DRC7: variants seen among roughly 807,000 people sequenced by gnomAD.
DRC7 encodes dynein regulatory complex subunit 7.
In DRC7, 80 loss-of-function variants were observed where a neutral mutation model predicts 104.4. That is an observed-to-expected ratio of 0.77 (90% CI 0.64 to 0.92). The LOEUF (loss-of-function observed/expected upper bound fraction) is 0.92, where lower values mean the gene tolerates loss of function less well. DRC7 is among the 40% of genes least tolerant of loss of function. DRC7 has a pLI of 0.00. For missense variants in DRC7, 1,034 were observed against 1,141.1 expected (o/e 0.91, Z 1.35); for synonymous variants, 405 against 447.3 (o/e 0.91, Z 1.19).
chr16:57,701,703 T>A, intron 5 of DRC7: 1 of 522,422 alleles, frequency 1.9e-6, no homozygotes, highest in Non-Finnish European at 3.4e-6. Flanking sequence ...TTTCCCCCTA[T>A]CAGGAAGTCC....
intron 16 of DRC7, among the ~76,000 whole-genome samples, chr16:57,727,926 A>G (rs2094175186): frequency 6.6e-6 from 1 of 152,174 alleles, no homozygotes. Flanking sequence ...ATCCCAGGGG[A>G]GGGTGTCAGC....
At chr16:57,706,188 C>A (rs1166465074) in intron 7 of DRC7, among the ~76,000 whole-genome samples, 1 of 147,270 alleles carries the variant, frequency 6.8e-6, no homozygotes, top group African/African-American at 2.5e-5. Context: ...ATCCTCTCAT[C>A]CATCTATCCT....
intron 5 of DRC7, among the ~76,000 whole-genome samples, chr16:57,700,597 A>G (rs1391711112): frequency 1.3e-5 from 2 of 150,740 alleles, no homozygotes; most frequent in Admixed American, 6.6e-5. Flanking sequence ...CAGTGAGCCA[A>G]GATGGCACCA....
Position 57,718,370 on chromosome 16 carries a change from C to A in DRC7, c.1101C>A (p.Asp367Glu), listed in dbSNP as rs771336398. The A allele has an allele frequency of 6.2e-6, 10 of 1,614,088 alleles. No homozygotes were observed. In the South Asian group the frequency reaches 1.1e-4, roughly 18 times the overall value. Residue 367 changes from aspartate (D) to glutamate (E), a missense_variant, in exon 9 of 19, where the codon GAC (aspartate) becomes GAA (glutamate). By Grantham distance (45) the Asp-to-Glu change is conservative. Transcript: ENST00000360716. Reference protein sequence around the residue: ...CCKDLIFDLGDPVRWEYMLLG... With the variant: ...CCKDLIFDLGEPVRWEYMLLG... ...AGGACTTGATCTTTGACCTGGGTGA[C>A]CCTGTGAGATGGGAGTACATGCTCC...
intron 6 of DRC7, 131 bp downstream of exon 6, chr16:57,702,261 C>T (rs1192523290): frequency 2.4e-6 from 2 of 829,986 alleles, no homozygotes; most frequent in African/African-American, 1.7e-5. Flanking sequence ...GATCCCTCAC[C>T]ACCAGCCCTT....
intron 15 of DRC7, 139 bp from the exon 16 acceptor site, chr16:57,727,160 G>A: frequency 1.4e-6 from 1 of 735,808 alleles, no homozygotes; most frequent in Non-Finnish European, 2.3e-6. Flanking sequence ...TTTAACAGAT[G>A]GGGTTTTTCC....
intron 12 of DRC7, 39 bp downstream of exon 12, chr16:57,723,169 G>A: frequency 6.2e-7 from 1 of 1,606,150 alleles, no homozygotes; most frequent in African/African-American, 1.3e-5. Context: ...CAGGAGCCTG[G>A]GGTAGAGGCC....
At chr16:57,708,710 C>A (rs1464273668) in intron 8 of DRC7, among the ~76,000 whole-genome samples, 1 of 152,172 alleles carries the variant, frequency 6.6e-6, no homozygotes. Context: ...ATTTACACTC[C>A]CACCAGCAAT....
At chr16:57,726,794 G>A in intron 14 of DRC7, 38 bp from the exon 15 acceptor site, 2 of 1,376,036 alleles carry the variant, frequency 1.5e-6, no homozygotes, top group Non-Finnish European at 2.1e-6. Context: ...CCCGATCATG[G>A]CAGCCTCTCT....
rs750280386 is a variant in DRC7 at position 57,726,150 on chromosome 16, A to T, written c.1841A>T (p.Glu614Val). The T allele has an allele frequency of 6.2e-7, 1 of 1,613,104 alleles. No homozygotes were observed. The highest frequency in any genetic ancestry group is 2.2e-5 in the East Asian group (1 of 44,882). ...VAERVFLVAEERIQLRYHCRE... is the reference protein window; with the variant it reads ...VAERVFLVAEVRIQLRYHCRE... The stretch of plus-strand genomic sequence containing the variant: ...GAGCGCGTGTTTCTGGTCGCGGAGG[A>T]GCGCATCCAGCTGCGCTACCACTGC... The change falls in exon 14 of 19, where the codon GAG becomes GTG. Residue 614 changes from glutamate to valine, a missense_variant. Physicochemically the swap from Glu to Val is moderately radical, Grantham distance 121 (BLOSUM62 -2). Coordinates refer to ENST00000360716, the MANE Select transcript of DRC7 (RefSeq NM_001289162.2).
chr16:57,707,818 T>G (rs2090175498), intron 8 of DRC7, 140 bp downstream of exon 8: 1 of 699,912 alleles, frequency 1.4e-6, no homozygotes, highest in Admixed American at 2.1e-5. Flanking sequence ...TAGCTGCGTC[T>G]CCATGGCCCA....
At chr16:57,713,494 A>G (rs2048809592) in intron 8 of DRC7, among the ~76,000 whole-genome samples, 1 of 152,188 alleles carries the variant, frequency 6.6e-6, no homozygotes, top group Non-Finnish European at 1.5e-5. Flanking sequence ...AATCAGCTTT[A>G]TCCCTAGTAA....
chr16:57,729,535 T>C, intron 17 of DRC7, among the ~76,000 whole-genome samples: 1 of 97,274 alleles, frequency 1.0e-5, no homozygotes, highest in African/African-American at 4.2e-5. Flanking sequence ...GATGGATGGG[T>C]GAGTGAGTGG....
intron 14 of DRC7, 175 bp downstream of exon 14, chr16:57,726,458 C>G: frequency 1.6e-6 from 1 of 625,138 alleles, no homozygotes; most frequent in Non-Finnish European, 2.8e-6. Context: ...TCTCTTTGAG[C>G]TCCTCTGAAA....
At chr16:57,714,713 C>T in intron 8 of DRC7, 2 of 400,636 alleles carry the variant, frequency 5.0e-6, no homozygotes, top group Non-Finnish European at 9.7e-6. Context: ...AAGAGTTATT[C>T]TCAAGATGTC....
chr16:57,722,290 A>G (rs2048912048), intron 10 of DRC7, among the ~76,000 whole-genome samples: 1 of 152,166 alleles, frequency 6.6e-6, no homozygotes, highest in Non-Finnish European at 1.5e-5. Context: ...CACTGGGGCT[A>G]GGGCCTGGGG....
At chr16:57,722,960 G>C in intron 11 of DRC7, 42 bp from the exon 12 acceptor site, 3 of 1,613,484 alleles carry the variant, frequency 1.9e-6, no homozygotes, top group Admixed American at 3.3e-5. Context: ...TGAAGGCTAG[G>C]GGAGCTGGCC....
At chr16:57,724,045 G>A (rs2048935969) in intron 12 of DRC7, among the ~76,000 whole-genome samples, 1 of 152,026 alleles carries the variant, frequency 6.6e-6, no homozygotes, top group African/African-American at 2.4e-5. Flanking sequence ...GCTTTTGGCT[G>A]GGCACAGTGG....
Position 57,697,992 on chromosome 16 carries a change from G to A in DRC7, c.43G>A (p.Glu15Lys), listed in dbSNP as rs372986204. 8.5e-5 allele frequency: 137 copies of A among 1,613,446 alleles called. No homozygotes were observed. The highest frequency in any genetic ancestry group is 1.1e-4 in the South Asian group (10 of 91,060). ...GAAGGTGGAGGAGGAGGAGGAGGCC[G>A]AGCGGGAGGAGGCGGCCGAGTGGGC... ...REKVEEEEEA[E>K]REEAAEWAEW... The change falls in exon 3 of 19, where the codon GAG becomes AAG. Residue 15 changes from glutamate (E) to lysine (K), a missense_variant. Coordinates refer to ENST00000360716, the MANE Select transcript of DRC7 (RefSeq NM_001289162.2).
Sources: allele counts gnomAD v4.1 joint callset (sites outside exome capture counted in the v4.1 genomes callset), GRCh38; gene constraint gnomAD v4.1.1; transcripts MANE v1.5; gene names NCBI Gene and HGNC (gene_info 2026-07-23, HGNC 2026-07-21).